RNGTT: variants seen among roughly 807,000 people sequenced by gnomAD.
RNGTT encodes the protein RNA guanylyltransferase and 5'-phosphatase, also known as mRNA-capping enzyme.
RNGTT carries 33 observed loss-of-function variants against 79.3 expected under a neutral mutation model. That is an observed-to-expected ratio of 0.42 (90% CI 0.32 to 0.56). The LOEUF (loss-of-function observed/expected upper bound fraction) is 0.56. Ranked by LOEUF, RNGTT falls within the 20% of genes least tolerant of loss-of-function variation. The pLI is 0.17. For synonymous variants in RNGTT, 222 were observed against 235.9 expected, an observed-to-expected ratio of 0.94 and a Z score of 0.54; for missense variants, 497 against 739.1, an observed-to-expected ratio of 0.67 and a Z score of 3.80.
At chr6:88,667,962 T>C (rs1182384718) in intron 14 of RNGTT, among the ~76,000 whole-genome samples, 1 of 152,084 alleles carries the variant, frequency 6.6e-6, no homozygotes, top group Non-Finnish European at 1.5e-5. Context: ...CCTTATGAGA[T>C]ATTGTATCAT....
chr6:88,886,702 AAC>A (rs1327856092), intron 8 of RNGTT, among the ~76,000 whole-genome samples: 1 of 152,194 alleles, frequency 6.6e-6, no homozygotes, highest in African/African-American at 2.4e-5. Flanking sequence ...AAATACACGA[AAC>A]ACAATTAATT....
chr6:88,744,548 C>T (rs1366261423), intron 13 of RNGTT, among the ~76,000 whole-genome samples: 7 of 152,170 alleles, frequency 4.6e-5, no homozygotes, highest in Non-Finnish European at 1.5e-5. Flanking sequence ...GCATGAGCCA[C>T]CGTGCCCGGC....
chr6:88,626,519 T>A (rs1304471812), intron 14 of RNGTT, among the ~76,000 whole-genome samples: 1 of 152,026 alleles, frequency 6.6e-6, no homozygotes, highest in Non-Finnish European at 1.5e-5. Flanking sequence ...ATATGACTGA[T>A]GAGGGCAGAA....
intron 12 of RNGTT, among the ~76,000 whole-genome samples, chr6:88,774,290 G>A (rs1039989530): frequency 6.7e-6 from 1 of 150,308 alleles, no homozygotes; most frequent in Non-Finnish European, 1.5e-5. Flanking sequence ...TAACTAGGGT[G>A]ACTATAATTT....
At position 88,641,431 on chromosome 6, in the gene RNGTT, C is replaced by T. The variant is rs951806097; in HGVS notation, c.1507-27036G>A. ...TAAACACTCAGGTACCACAGATGAG[C>T]TCCGTGCTGTAGAGACAAGCAAAGG... On this transcript the variant is annotated intron_variant, in intron 14 of 15. Transcript: ENST00000369485. Among the ~76,000 whole-genome samples, 18 of 151,950 alleles carry T rather than the reference C, an allele frequency of 1.2e-4. 1 individual carries two copies. The highest frequency in any genetic ancestry group is 4.4e-4 in the African/African-American group (18 of 41,360).
At position 88,698,302 on chromosome 6, in the gene RNGTT, GAA is replaced by G. The variant is rs539088944; in HGVS notation, c.1440-19885_1440-19884del. Among the ~76,000 whole-genome samples the G allele has an allele frequency of 4.1e-3, 496 of 121,010 alleles. 12 individuals carry two copies. Among genetic ancestry groups the G allele is most frequent in the African/African-American group, 0.018 (459 of 24,956 alleles). The allele number at this position is 121,010 out of a possible 152,430, so 79.4% of individuals were successfully genotyped here. On this transcript the variant is annotated intron_variant, in intron 13 of 15. Coordinates refer to ENST00000369485, the MANE Select transcript of RNGTT (RefSeq NM_003800.5). ...TATTTCATATATATCATATATATAT[GAA>G]ATATATATATGAAATATATATGAAT...
chr6:88,840,575 T>G (rs1781250311), intron 11 of RNGTT, among the ~76,000 whole-genome samples: 1 of 152,112 alleles, frequency 6.6e-6, no homozygotes. Flanking sequence ...TTTCTAGTAT[T>G]TTTTGTAGAG....
Position 88,692,886 on chromosome 6 carries a change from C to T in RNGTT, c.1440-14467G>A, listed in dbSNP as rs145248347. 4.2e-3 allele frequency among the ~76,000 whole-genome samples: 640 copies of T among 151,608 alleles called. 5 individuals carry two copies. The highest frequency in any genetic ancestry group is 0.015 in the African/African-American group (616 of 41,396). On this transcript the variant is annotated intron_variant, in intron 13 of 15. Coordinates refer to ENST00000369485, the MANE Select transcript of RNGTT (RefSeq NM_003800.5). ...CTACAGCTGTTCACAGACCATACAGCGAAATAAGTCTGCAAATAATTCTAA... is the reference window on the plus strand; with the variant it reads ...CTACAGCTGTTCACAGACCATACAGTGAAATAAGTCTGCAAATAATTCTAA...
At chr6:88,792,136 T>C (rs1230824848) in intron 12 of RNGTT, among the ~76,000 whole-genome samples, 2 of 152,184 alleles carry the variant, frequency 1.3e-5, no homozygotes, top group East Asian at 1.9e-4. Context: ...TATTAAAAAC[T>C]AGAAATAGAC....
intron 13 of RNGTT, among the ~76,000 whole-genome samples, chr6:88,743,786 A>C (rs1053327016): frequency 6.6e-6 from 1 of 152,228 alleles, no homozygotes; most frequent in Non-Finnish European, 1.5e-5. Flanking sequence ...TGAGGGTATA[A>C]ATCTCTTTGA....
At chr6:88,770,618 A>ACATGTTTT (rs1372888979) in intron 12 of RNGTT, among the ~76,000 whole-genome samples, 4 of 152,166 alleles carry the variant, frequency 2.6e-5, no homozygotes, top group Non-Finnish European at 5.9e-5. Flanking sequence ...ATTTGTATTG[A>ACATGTTTT]CATGTTTTCC....
At chr6:88,704,699 G>C (rs1776072222) in intron 13 of RNGTT, among the ~76,000 whole-genome samples, 1 of 152,124 alleles carries the variant, frequency 6.6e-6, no homozygotes, top group Admixed American at 6.5e-5. Context: ...GTTTGGGCCT[G>C]AAAAGCTCTA....
At chr6:88,725,987 A>G (rs1198947878) in intron 13 of RNGTT, among the ~76,000 whole-genome samples, 1 of 151,888 alleles carries the variant, frequency 6.6e-6, no homozygotes, top group Non-Finnish European at 1.5e-5. Context: ...CGGAGAGATA[A>G]AGAGAAAGAC....
intron 1 of RNGTT, among the ~76,000 whole-genome samples, chr6:88,961,644 A>C (rs760392829): frequency 6.6e-6 from 1 of 152,160 alleles, no homozygotes; most frequent in Non-Finnish European, 1.5e-5. Context: ...GAAGTGTCCA[A>C]ATTTTTTGCT....
At chr6:88,912,533 G>C (rs983132947) in intron 4 of RNGTT, among the ~76,000 whole-genome samples, 5 of 152,016 alleles carry the variant, frequency 3.3e-5, no homozygotes, top group East Asian at 1.9e-4. Flanking sequence ...CCTAAAATCA[G>C]AGCAGAGCAA....
chr6:88,893,814 T>TA (rs56803245), intron 6 of RNGTT, among the ~76,000 whole-genome samples: 7 of 151,878 alleles, frequency 4.6e-5, no homozygotes, highest in Admixed American at 2.0e-4. Flanking sequence ...AGAAGTCCAA[T>TA]AAAAAAAAGT....
intron 13 of RNGTT, among the ~76,000 whole-genome samples, chr6:88,757,157 T>C (rs1207481162): frequency 6.6e-6 from 1 of 152,192 alleles, no homozygotes; most frequent in African/African-American, 2.4e-5. Context: ...GTATTTGCTA[T>C]GTCCGAAAAC....
chr6:88,954,365 G>A (rs578123317), intron 1 of RNGTT, among the ~76,000 whole-genome samples: 185 of 152,096 alleles, frequency 1.2e-3, no homozygotes, highest in African/African-American at 4.3e-3. Flanking sequence ...AAACTTTAAA[G>A]GAATAACAGT....
intron 8 of RNGTT, among the ~76,000 whole-genome samples, chr6:88,855,109 G>A (rs373996889): frequency 4.6e-5 from 7 of 152,242 alleles, no homozygotes; most frequent in Admixed American, 3.3e-4. Context: ...AGGTACCAAC[G>A]AAAATGAAAG....
Sources: allele counts gnomAD v4.1 joint callset (sites outside exome capture counted in the v4.1 genomes callset), GRCh38; gene constraint gnomAD v4.1.1; transcripts MANE v1.5; gene names NCBI Gene and HGNC (gene_info 2026-07-23, HGNC 2026-07-21).